Variants in LRCH3 observed in about 807,000 individuals in gnomAD.
LRCH3 encodes the protein leucine rich repeats and calponin homology domain containing 3, also known as DISP complex protein LRCH3.
LRCH3 carries 68 observed loss-of-function variants against 104.5 expected under a neutral mutation model. The ratio of observed to expected loss-of-function variants is 0.65; its 90% CI spans 0.54 to 0.80. LRCH3 has a LOEUF of 0.80. Ranked by LOEUF, LRCH3 falls within the 30% of genes least tolerant of loss-of-function variation. The pLI, the probability that LRCH3 is intolerant of heterozygous loss-of-function variation, is 0.00. For synonymous variants in LRCH3, 344 were observed against 361.3 expected, an observed-to-expected ratio of 0.95 and a Z score of 0.54; for missense variants, 951 against 953.9, an observed-to-expected ratio of 1.00 and a Z score of 0.04.
At chr3:197,867,878 A>C (rs958503131) in intron 17 of LRCH3, among the ~76,000 whole-genome samples, 13 of 151,290 alleles carry the variant, frequency 8.6e-5, no homozygotes, top group Admixed American at 6.6e-4. Flanking sequence ...AACAAACAAA[A>C]AAAGGCATGG....
intron 9 of LRCH3, among the ~76,000 whole-genome samples, chr3:197,838,023 G>GCA (rs1027061166): frequency 7.2e-5 from 11 of 151,774 alleles, no homozygotes; most frequent in African/African-American, 2.7e-4. Context: ...TTGTGCTACT[G>GCA]CACTCCAGCC....
At chr3:197,797,085 T>TG (rs533421214) in intron 1 of LRCH3, among the ~76,000 whole-genome samples, 215 of 151,772 alleles carry the variant, frequency 1.4e-3, no homozygotes, top group African/African-American at 4.9e-3. Context: ...CGCAGCACTT[T>TG]GGGGGGCCGA....
At chr3:197,821,485 C>G (rs990045131) in intron 4 of LRCH3, among the ~76,000 whole-genome samples, 1 of 152,180 alleles carries the variant, frequency 6.6e-6, no homozygotes, top group Non-Finnish European at 1.5e-5. Context: ...TAAGAGTCAT[C>G]AGCTCATGGC....
In LRCH3 at chr3:197,791,435, C is replaced by T. The variant is rs1730482785; in HGVS notation, c.157C>T (p.Leu53=). Residue 53 remains leucine (L), a synonymous_variant, in exon 1 of 21, where the codon CTG becomes TTG. Transcript: ENST00000425562. Reference sequence around the variant, plus strand: ...GTGGAGCCGCTCTCTCGATCGAGCCCTGGAGGAGGCGGCGGTCACTGGGGT... The same window carrying T: ...GTGGAGCCGCTCTCTCGATCGAGCCTTGGAGGAGGCGGCGGTCACTGGGGT... ...GSWSRSLDRA[L]EEAAVTGVLS... 1 of 1,596,064 alleles carries T rather than the reference C, an allele frequency of 6.3e-7. No homozygotes were observed. Among genetic ancestry groups the T allele is most frequent in the African/African-American group, 1.3e-5 (1 of 74,436 alleles).
At chr3:197,860,912 C>T (rs1740802554) in intron 15 of LRCH3, among the ~76,000 whole-genome samples, 1 of 151,836 alleles carries the variant, frequency 6.6e-6, no homozygotes, top group Admixed American at 6.6e-5. Context: ...CCCTTCCCAG[C>T]CTCCGGTAAC....
intron 5 of LRCH3, among the ~76,000 whole-genome samples, chr3:197,828,821 C>T (rs754305208): frequency 2.7e-5 from 4 of 150,640 alleles, no homozygotes; most frequent in Non-Finnish European, 5.9e-5. Flanking sequence ...GATTCTCCTG[C>T]CTCAGCCTCC....
chr3:197,833,340 T>G (rs1580708442), intron 8 of LRCH3, among the ~76,000 whole-genome samples: 1 of 104,268 alleles, frequency 9.6e-6, no homozygotes, highest in African/African-American at 3.8e-5. Flanking sequence ...GCCAACATGG[T>G]GAAACCCCAT....
chr3:197,813,253 A>T (rs679495), intron 1 of LRCH3, among the ~76,000 whole-genome samples: 1 of 152,090 alleles, frequency 6.6e-6, no homozygotes, highest in Non-Finnish European at 1.5e-5. Flanking sequence ...TACTCTTTTA[A>T]TTATTTCAAA....
chr3:197,844,658 G>GC (rs1311498566), intron 10 of LRCH3, among the ~76,000 whole-genome samples: 6 of 150,290 alleles, frequency 4.0e-5, no homozygotes, highest in Non-Finnish European at 4.4e-5. Context: ...TCACTCTGTC[G>GC]CCAGGCTGGA....
chr3:197,814,070 A>G (rs537753323), intron 1 of LRCH3, among the ~76,000 whole-genome samples: 7 of 152,088 alleles, frequency 4.6e-5, no homozygotes, highest in African/African-American at 1.7e-4. Flanking sequence ...CAAATGTTTG[A>G]TTTTTCCTTC....
chr3:197,840,361 G>C (rs1458721633), intron 10 of LRCH3, among the ~76,000 whole-genome samples: 6 of 152,190 alleles, frequency 3.9e-5, no homozygotes, highest in African/African-American at 1.4e-4. Flanking sequence ...CCAGGCTGAG[G>C]CAGGATAATC....
At position 197,866,169 on chromosome 3, in the gene LRCH3, G is replaced by A. The variant is rs111865986; in HGVS notation, c.1823G>A (p.Arg608His). ...GCTATCCAGAGAAATCAGCCTCAGC[G>A]CCCTGAAAGCTTCCTTTTCCGAGCA... The part of the protein sequence containing the change: ...PAAIQRNQPQ[R>H]PESFLFRAGV... Residue 608 changes from arginine (R) to histidine (H), a missense_variant, in exon 17 of 21, where the codon CGC (arginine) becomes CAC (histidine). Physicochemically the swap from Arg to His is conservative, Grantham distance 29. Transcript: ENST00000425562. The A allele has an allele frequency of 2.4e-5, 39 of 1,614,022 alleles. No homozygotes were observed. Among genetic ancestry groups the A allele is most frequent in the Middle Eastern group, 1.6e-4 (1 of 6,062 alleles).
At chr3:197,858,411 T>C (rs538228717) in intron 14 of LRCH3, among the ~76,000 whole-genome samples, 1 of 152,188 alleles carries the variant, frequency 6.6e-6, no homozygotes, top group East Asian at 1.9e-4. Flanking sequence ...CATGTCCTAA[T>C]TATAATATAT....
chr3:197,827,246 T>A (rs948941435), intron 5 of LRCH3, among the ~76,000 whole-genome samples: 6 of 151,732 alleles, frequency 4.0e-5, no homozygotes, highest in Admixed American at 1.3e-4. Context: ...AAGCATCAGA[T>A]AAATCATGGT....
Position 197,791,346 on chromosome 3 carries a change from G to GT in LRCH3, c.69dup (p.Asn24Ter). 1 of 1,607,840 alleles carries GT rather than the reference G, an allele frequency of 6.2e-7. No homozygotes were observed. Among genetic ancestry groups the GT allele is most frequent in the Admixed American group, 1.7e-5 (1 of 59,276 alleles). On this transcript the variant is annotated frameshift_variant, in exon 1 of 21. Transcript: ENST00000425562. LOFTEE classifies it high-confidence loss of function. Reference sequence around the variant, plus strand: ...TACTCTGGCACGGTAGCGTCGGGAGGTAACCTCCCTGGTGTTCACTGCGGC... The same window carrying GT: ...TACTCTGGCACGGTAGCGTCGGGAGGTTAACCTCCCTGGTGTTCACTGCGGC...
chr3:197,874,487 A>G (rs1712626778), intron 19 of LRCH3, among the ~76,000 whole-genome samples: 1 of 152,188 alleles, frequency 6.6e-6, no homozygotes, highest in Non-Finnish European at 1.5e-5. Context: ...CACTGACTCT[A>G]CATTACGGTA....
At chr3:197,881,729 C>G in intron 20 of LRCH3, 3 of 985,290 alleles carry the variant, frequency 3.0e-6, no homozygotes, top group Non-Finnish European at 3.6e-6. Flanking sequence ...TATTCAGGAA[C>G]CTTCTGAACT....
intron 20 of LRCH3, among the ~76,000 whole-genome samples, chr3:197,880,103 G>A (rs924553528): frequency 2.8e-4 from 42 of 148,756 alleles, no homozygotes; most frequent in Middle Eastern, 3.4e-3. Flanking sequence ...CCGCCACCAC[G>A]CCCGGCTAAT....
In LRCH3 at chr3:197,826,943, T is replaced by A. The variant is rs199509149; in HGVS notation, c.706T>A (p.Cys236Ser). The A allele has an allele frequency of 6.2e-7, 1 of 1,614,098 alleles. No homozygotes were observed. The highest frequency in any genetic ancestry group is 2.2e-5 in the East Asian group (1 of 44,886). The change falls in exon 5 of 21, where the codon TGT becomes AGT. Residue 236 changes from cysteine to serine, a missense_variant. By Grantham distance (112) the Cys-to-Ser change is moderately radical. Transcript: ENST00000425562. ...CAATAAAATTACCACAATCCCTGTT[T>A]GTTATCGGAACCTCAGGCACCTACA... ...SCNKITTIPV[C>S]YRNLRHLQTI...
Sources: allele counts gnomAD v4.1 joint callset (sites outside exome capture counted in the v4.1 genomes callset), GRCh38; gene constraint gnomAD v4.1.1; transcripts MANE v1.5; gene names NCBI Gene and HGNC (gene_info 2026-07-23, HGNC 2026-07-21).